TMEM225B: variants seen among roughly 807,000 people sequenced by gnomAD.
The protein encoded by TMEM225B is transmembrane protein 225B.
Under a neutral mutation model 16.9 loss-of-function variants are expected in TMEM225B, and 10 were observed. That is an observed-to-expected ratio of 0.59 (90% CI 0.36 to 1.00). The LOEUF (loss-of-function observed/expected upper bound fraction) is 1.00. Ranked by LOEUF, TMEM225B falls within the 50% of genes least tolerant of loss-of-function variation. The pLI, the probability that TMEM225B is intolerant of heterozygous loss-of-function variation, is 0.01. For synonymous variants in TMEM225B, 92 were observed against 109.8 expected (o/e 0.84, Z 1.01); for missense variants, 217 against 267.0 (o/e 0.81, Z 1.30).
chr7:99,604,352 G>A, intron 2 of TMEM225B, 34 bp from the exon 3 acceptor site: 1 of 1,484,812 alleles, frequency 6.7e-7, no homozygotes, highest in Non-Finnish European at 9.1e-7. Flanking sequence ...TTGGGTCGGT[G>A]TCCCACCTCC....
rs981822610 is a variant in TMEM225B, at chr7:99,610,650, A to T, written c.*85A>T. The stretch of plus-strand genomic sequence containing the variant: ...TGTAGTCCTCCCCACCCTCTCTGCC[A>T]GTATCTGTGCCTTTGAGGAGCTTCT... On this transcript the variant is annotated 3_prime_UTR_variant, in exon 6 of 6. Transcript: ENST00000431679. 2.9e-5 allele frequency: 36 copies of T among 1,244,390 alleles called. No individual in the cohort carries two copies. In the African/African-American group the frequency reaches 4.6e-4, roughly 16 times the overall value. The allele number at this position is 1,244,390 out of a possible 1,614,324, so 77.1% of individuals were successfully genotyped here.
At chr7:99,609,151 C>T (rs933043098) in intron 5 of TMEM225B, among the ~76,000 whole-genome samples, 1 of 151,750 alleles carries the variant, frequency 6.6e-6, no homozygotes, top group Non-Finnish European at 1.5e-5. Flanking sequence ...TGGGCAACAG[C>T]GGGACTCCAT....
At chr7:99,602,355 C>A (rs993654577) in intron 2 of TMEM225B, among the ~76,000 whole-genome samples, 1 of 152,192 alleles carries the variant, frequency 6.6e-6, no homozygotes, top group Non-Finnish European at 1.5e-5. Flanking sequence ...GGCCTCCAGC[C>A]CCTTCTCCCA....
Position 99,604,514 on chromosome 7 carries a change from C to T in TMEM225B, c.126C>T (p.Asn42=), listed in dbSNP as rs184337642. ...SIFPFWVRLT[N]EESHEVFFSG... ...TTCCCTTCTGGGTGCGACTGACAAACGAGGAGTCCCACGAAGTCTTTTTCA... is the reference window on the plus strand; with the variant it reads ...TTCCCTTCTGGGTGCGACTGACAAATGAGGAGTCCCACGAAGTCTTTTTCA... Residue 42 remains asparagine (N), a synonymous_variant, in exon 3 of 6, where the codon AAC becomes AAT. Transcript: ENST00000431679. 25 of 1,536,054 alleles carry T rather than the reference C, an allele frequency of 1.6e-5. No homozygotes were observed. The Admixed American group carries it at 1.8e-4, about 11-fold the overall frequency.
intron 2 of TMEM225B, among the ~76,000 whole-genome samples, chr7:99,602,831 T>C (rs1021387944): frequency 2.6e-5 from 4 of 152,084 alleles, no homozygotes; most frequent in Non-Finnish European, 5.9e-5. Context: ...TCCTGCCTCA[T>C]CCTCCCAAGT....
intron 5 of TMEM225B, among the ~76,000 whole-genome samples, chr7:99,608,718 TA>T (rs1806040675): frequency 9.0e-6 from 1 of 111,434 alleles, no homozygotes; most frequent in African/African-American, 4.5e-5. Context: ...TAAAAAAAAA[TA>T]TATATATATA....
chr7:99,610,583 T>C lies in TMEM225B; in HGVS notation c.*18T>C. ...TCATCTAGCCCAGGACATGGCTTCT[T>C]TACCCTTCTTCAAGCCATGTGAGTG... On this transcript the variant is annotated 3_prime_UTR_variant, in exon 6 of 6. Transcript: ENST00000431679. 6.5e-7 allele frequency: 1 copy of C among 1,535,282 alleles called. No homozygotes were observed. Among genetic ancestry groups the C allele is most frequent in the Non-Finnish European group, 8.7e-7 (1 of 1,146,280 alleles).
Position 99,600,269 on chromosome 7 carries a change from T to C in TMEM225B, c.-20T>C. The C allele has an allele frequency of 1.4e-6, 1 of 702,956 alleles. No individual in the cohort carries two copies. The highest frequency in any genetic ancestry group is 2.6e-6 in the Non-Finnish European group (1 of 384,978). 43.5% of individuals were successfully genotyped at this position (702,956 alleles called of 1,614,324 possible). ...CTGAATCCCCACCATTGGCCTACAT[T>C]GGGAGTGGGGCGACCTGTAAGTGCA... is the stretch of plus-strand genomic sequence containing the variant. On this transcript the variant is annotated 5_prime_UTR_variant, in exon 2 of 6. Transcript: ENST00000431679.
chr7:99,603,769 T>G (rs1474717699), intron 2 of TMEM225B, among the ~76,000 whole-genome samples: 174 of 145,264 alleles, frequency 1.2e-3, no homozygotes, highest in Admixed American at 7.6e-3. Context: ...TTTTTTTTTT[T>G]GTTTTTTTTT....
At chr7:99,606,452 G>A (rs1357015538) in intron 3 of TMEM225B, among the ~76,000 whole-genome samples, 2 of 152,192 alleles carry the variant, frequency 1.3e-5, no homozygotes, top group Non-Finnish European at 2.9e-5. Flanking sequence ...GGGCGATAGA[G>A]GGAGACCCTG....
chr7:99,610,467 G>A lies in TMEM225B; in HGVS notation c.568G>A (p.Asp190Asn), dbSNP rs769015218. 14 of 1,535,992 alleles carry A rather than the reference G, an allele frequency of 9.1e-6. No homozygotes were observed. The highest frequency in any genetic ancestry group is 1.7e-4 in the Middle Eastern group (1 of 6,012). ...GTCCACTTCCCAGAGTATGGAGGAG[G>A]ACCACGGGAGCCTGTACCTGGACAA... ...LLSTSQSMEE[D>N]HGSLYLDNLE... Residue 190 changes from aspartate to asparagine, a missense_variant, in exon 6 of 6, where the codon GAC (aspartate) becomes AAC (asparagine). By Grantham distance (23) the Asp-to-Asn change is conservative. Coordinates refer to ENST00000431679, the MANE Select transcript of TMEM225B (RefSeq NM_001195541.3).
At chr7:99,607,003 T>G (rs1303285682) in intron 4 of TMEM225B, 109 bp downstream of exon 4, 4 of 1,276,952 alleles carry the variant, frequency 3.1e-6, no homozygotes, top group African/African-American at 1.5e-5. Context: ...ATTTTTCTTT[T>G]TAGGGACAGG....
In TMEM225B at chr7:99,607,303, A is replaced by T. The variant is rs572873152; in HGVS notation, c.356-370A>T. 5.3e-5 allele frequency among the ~76,000 whole-genome samples: 8 copies of T among 152,034 alleles called. No homozygotes were observed. The East Asian group carries it at 1.4e-3, about 26-fold the overall frequency. ...ACCACTGCACCTGGCCCCTTTTGACATTTATAAAGGGTGACCCAGGCTCCA... is the reference window on the plus strand; with the variant it reads ...ACCACTGCACCTGGCCCCTTTTGACTTTTATAAAGGGTGACCCAGGCTCCA... On this transcript the variant is annotated intron_variant, in intron 4 of 5. Transcript: ENST00000431679.
chr7:99,601,394 A>G (rs573995634), intron 2 of TMEM225B, among the ~76,000 whole-genome samples: 1 of 152,278 alleles, frequency 6.6e-6, no homozygotes, highest in East Asian at 1.9e-4. Context: ...GGAGTTTAAG[A>G]CACCCTGGGC....
Position 99,607,737 on chromosome 7 carries a change from C to T in TMEM225B, c.420C>T (p.Leu140=), listed in dbSNP as rs765878529. The T allele has an allele frequency of 1.1e-5, 17 of 1,535,936 alleles. No homozygotes were observed. Among genetic ancestry groups the T allele is most frequent in the East Asian group, 4.9e-5 (2 of 40,938 alleles). ...AGATCAAGGCTCTGAGGATGAAGCTCGGCCCCCTGCAGTTCTCCGTGCTGT... is the reference window on the plus strand; with the variant it reads ...AGATCAAGGCTCTGAGGATGAAGCTTGGCCCCCTGCAGTTCTCCGTGCTGT... ...ALEIKALRMK[L]GPLQFSVLWP... Residue 140 remains leucine, a synonymous_variant, in exon 5 of 6, where the codon CTC becomes CTT. Coordinates refer to ENST00000431679, the MANE Select transcript of TMEM225B (RefSeq NM_001195541.3).
At chr7:99,600,926 G>A (rs1805307260) in intron 2 of TMEM225B, among the ~76,000 whole-genome samples, 1 of 152,170 alleles carries the variant, frequency 6.6e-6, no homozygotes, top group Admixed American at 6.5e-5. Flanking sequence ...GAAGGCTGAT[G>A]AGATGGAAGT....
chr7:99,610,505 G>A lies in TMEM225B; in HGVS notation c.606G>A (p.Leu202=), dbSNP rs1171289113. 1.3e-6 allele frequency: 2 copies of A among 1,536,108 alleles called. No individual in the cohort carries two copies. The highest frequency in any genetic ancestry group is 3.9e-5 in the Admixed American group (2 of 50,988). Residue 202 remains leucine (L), a synonymous_variant, in exon 6 of 6, where the codon TTG becomes TTA. Transcript: ENST00000431679. Reference sequence around the variant, plus strand: ...TGTACCTGGACAATCTGGAGAGTTTGGGAGGAGAACCGAGCTCAGTACAAA... The same window carrying A: ...TGTACCTGGACAATCTGGAGAGTTTAGGAGGAGAACCGAGCTCAGTACAAA... ...GSLYLDNLES[L]GGEPSSVQKE... is the part of the protein sequence containing the mutation.
chr7:99,602,957 G>A (rs1215538180), intron 2 of TMEM225B, among the ~76,000 whole-genome samples: 1 of 152,062 alleles, frequency 6.6e-6, no homozygotes, highest in South Asian at 2.1e-4. Context: ...GAGTTCATGC[G>A]ATCCTCCCAC....
Position 99,604,545 on chromosome 7 carries a change from C to T in TMEM225B, c.157C>T (p.Leu53=). 3 of 1,536,042 alleles carry T rather than the reference C, an allele frequency of 2.0e-6. No individual in the cohort carries two copies. The highest frequency in any genetic ancestry group is 1.7e-6 in the Non-Finnish European group (2 of 1,146,892). The change falls in exon 3 of 6, where the codon CTA becomes TTA. Residue 53 remains leucine (L), a synonymous_variant. Transcript: ENST00000431679. ...GTCCCACGAAGTCTTTTTCAGTGGCCTATTTGAGAACTGCTTCAATGCCAA... is the reference window on the plus strand; with the variant it reads ...GTCCCACGAAGTCTTTTTCAGTGGCTTATTTGAGAACTGCTTCAATGCCAA... ...EESHEVFFSG[L]FENCFNAKCW...
Sources: allele counts gnomAD v4.1 joint callset (sites outside exome capture counted in the v4.1 genomes callset), GRCh38; gene constraint gnomAD v4.1.1; transcripts MANE v1.5; gene names NCBI Gene and HGNC (gene_info 2026-07-23, HGNC 2026-07-21).